The following DRC5 variants were observed in gnomAD, a reference collection of about 807,000 sequenced individuals.
DRC5 encodes the protein dynein regulatory complex subunit 5.
At chr6:44,293,394 C>T in the DRC5 span, among the ~76,000 whole-genome samples, 295 of 151,072 alleles carry the variant, frequency 2.0e-3, 1 homozygote, top group African/African-American at 6.5e-3. Flanking sequence ...GGGAGGATTG[C>T]TTGAGGCTAA....
At chr6:44,287,256 A>T in the DRC5 span, 11 of 984,974 alleles carry the variant, frequency 1.1e-5, no homozygotes, top group Non-Finnish European at 1.3e-5. Flanking sequence ...AGGAGGAAGT[A>T]GATATGGCTC....
the DRC5 span, among the ~76,000 whole-genome samples, chr6:44,290,297 A>T: frequency 0.72 from 109,647 of 152,036 alleles, 40,661 homozygotes; most frequent in Non-Finnish European, 0.81. Flanking sequence ...TCCTTATCTG[A>T]GAAACTGGAT....
chr6:44,287,671 G>C, the DRC5 span: 7 of 1,614,104 alleles, frequency 4.3e-6, no homozygotes, highest in African/African-American at 1.3e-5. Context: ...CCTGGGATGT[G>C]GGTTCCTGGA....
the DRC5 span, chr6:44,279,858 C>T: frequency 4.2e-6 from 1 of 240,814 alleles, no homozygotes; most frequent in Non-Finnish European, 8.1e-6. Flanking sequence ...AGGCAGGCAG[C>T]CCCAACGGGA....
At chr6:44,287,208 T>C in the DRC5 span, 19 of 985,258 alleles carry the variant, frequency 1.9e-5, no homozygotes, top group Non-Finnish European at 1.7e-5. Flanking sequence ...GAAGACTCCA[T>C]CAGAGTAGAG....
the DRC5 span, chr6:44,287,163 A>G: frequency 1.0e-6 from 1 of 983,912 alleles, no homozygotes; most frequent in Non-Finnish European, 1.2e-6. Context: ...CAGAGCACAA[A>G]ATATGGAACA....
the DRC5 span, chr6:44,282,666 G>T: frequency 1.1e-6 from 1 of 919,754 alleles, no homozygotes; most frequent in Non-Finnish European, 1.6e-6. Context: ...ACCTGGCTGG[G>T]TCTTGGAGGG....
chr6:44,287,553 G>A, the DRC5 span: 104 of 1,606,502 alleles, frequency 6.5e-5, 1 homozygote, highest in East Asian at 2.3e-3. Flanking sequence ...ACTCACTCTG[G>A]AAGTTCCTGA....
chr6:44,285,952 A>C, the DRC5 span: 10 of 1,603,580 alleles, frequency 6.2e-6, no homozygotes, highest in Non-Finnish European at 8.5e-6. Context: ...GAAGGCTGGG[A>C]GCAGACAGTA....
At chr6:44,282,551 C>A in the DRC5 span, 1 of 1,585,950 alleles carries the variant, frequency 6.3e-7, no homozygotes, top group African/African-American at 1.3e-5. Flanking sequence ...TTCGGGTCAG[C>A]TTGAAGATCT....
chr6:44,283,849 C>T, the DRC5 span, among the ~76,000 whole-genome samples: 1 of 152,194 alleles, frequency 6.6e-6, no homozygotes, highest in Non-Finnish European at 1.5e-5. Context: ...CAGGGGCCTC[C>T]TTGCTGAGCC....
At chr6:44,291,718 C>T in the DRC5 span, among the ~76,000 whole-genome samples, 1 of 152,186 alleles carries the variant, frequency 6.6e-6, no homozygotes, top group Non-Finnish European at 1.5e-5. Flanking sequence ...CCAGCTGTGA[C>T]ATCCCAGGAG....
the DRC5 span, chr6:44,287,808 C>T: frequency 6.8e-5 from 110 of 1,613,922 alleles, no homozygotes; most frequent in Admixed American, 1.5e-4. Flanking sequence ...ATGCTGATGT[C>T]GTTACGGTAT....
the DRC5 span, among the ~76,000 whole-genome samples, chr6:44,289,792 T>G: frequency 2.0e-5 from 3 of 152,210 alleles, no homozygotes; most frequent in African/African-American, 4.8e-5. Flanking sequence ...TCCTGCACCC[T>G]TGCACTCCTG....
chr6:44,286,281 T>C, the DRC5 span: 1 of 1,612,994 alleles, frequency 6.2e-7, no homozygotes, highest in Non-Finnish European at 8.5e-7. Context: ...AGGTCGAGGA[T>C]CACCGCAGGG....
the DRC5 span, chr6:44,287,415 G>T: frequency 9.9e-7 from 1 of 1,013,872 alleles, no homozygotes. Flanking sequence ...TGTTGAGTGG[G>T]TATGAGGATG....
chr6:44,291,004 C>T, the DRC5 span, among the ~76,000 whole-genome samples: 1 of 152,220 alleles, frequency 6.6e-6, no homozygotes, highest in Non-Finnish European at 1.5e-5. Flanking sequence ...GTGCCTGCAG[C>T]CTGCCTCTGG....
chr6:44,287,764 T>C, the DRC5 span: 1 of 1,614,178 alleles, frequency 6.2e-7, no homozygotes, highest in Non-Finnish European at 8.5e-7. Flanking sequence ...GGAATTGTCC[T>C]GGGTGGAGAC....
chr6:44,287,596 G>C, the DRC5 span: 4 of 1,614,052 alleles, frequency 2.5e-6, no homozygotes, highest in Admixed American at 1.7e-5. Flanking sequence ...TGTGAGGAGG[G>C]GCACGATGGC....
Sources: allele counts gnomAD v4.1 joint callset (sites outside exome capture counted in the v4.1 genomes callset), GRCh38; gene constraint gnomAD v4.1.1; transcripts MANE v1.5; gene names NCBI Gene and HGNC (gene_info 2026-07-23, HGNC 2026-07-21).